SPEF2: variants seen among roughly 807,000 people sequenced by gnomAD.
SPEF2 encodes sperm flagellar and cilia associated 2.
A neutral mutation model predicts 224.6 loss-of-function variants in SPEF2; 187 were observed. That is an observed-to-expected ratio of 0.83 (90% CI 0.74 to 0.94). The LOEUF is 0.94. Among genes scored for constraint, SPEF2 ranks in the 40% least tolerant of loss-of-function variants. The pLI is 0.00. For missense variants in SPEF2, 2,170 were observed against 2,135.6 expected (o/e 1.02, Z -0.32); for synonymous variants, 715 against 707.3 (o/e 1.01, Z -0.17).
At chr5:35,692,105 G>GT (rs1754590382) in intron 11 of SPEF2, among the ~76,000 whole-genome samples, 1 of 151,928 alleles carries the variant, frequency 6.6e-6, no homozygotes, top group African/African-American at 2.4e-5. Flanking sequence ...GCCTTATCAC[G>GT]TTTTTTAAAA....
chr5:35,680,869 G>T (rs1475007494), intron 10 of SPEF2, among the ~76,000 whole-genome samples: 1 of 152,076 alleles, frequency 6.6e-6, no homozygotes, highest in Non-Finnish European at 1.5e-5. Context: ...AGTGTGTTTG[G>T]GTGTCTGGAG....
At position 35,794,370 on chromosome 5, in the gene SPEF2, C is replaced by G. The variant is rs1756376721; in HGVS notation, c.4737+1029C>G. On this transcript the variant is annotated intron_variant, in intron 32 of 36. Transcript: ENST00000356031. ...ACCAATCATACCCCTTCCTGTTTCC[C>G]TTTTCTTCCTTAATGCATGGCCTCT... 2.0e-5 allele frequency among the ~76,000 whole-genome samples: 3 copies of G among 152,136 alleles called. No individual in the cohort carries two copies. The East Asian group carries it at 5.8e-4, about 29-fold the overall frequency.
chr5:35,658,272 G>A (rs1749226834), intron 7 of SPEF2, among the ~76,000 whole-genome samples: 1 of 152,108 alleles, frequency 6.6e-6, no homozygotes, highest in African/African-American at 2.4e-5. Context: ...TCATTTACTG[G>A]TCACCTTTCT....
intron 34 of SPEF2, among the ~76,000 whole-genome samples, chr5:35,800,664 T>G (rs887397633): frequency 2.0e-5 from 3 of 152,210 alleles, no homozygotes; most frequent in African/African-American, 4.8e-5. Flanking sequence ...CCTTGAGATC[T>G]CTCAGGCATT....
Position 35,771,611 on chromosome 5 carries a change from G to T in SPEF2, c.3804G>T (p.Val1268=). The change falls in exon 27 of 37, where the codon GTG becomes GTT. Residue 1268 remains valine, a splice_region_variant and synonymous_variant. Coordinates refer to ENST00000356031, the MANE Select transcript of SPEF2 (RefSeq NM_024867.4). Reference sequence around the variant, plus strand: ...AAATATTGCTGTTACGCAACCAGGTGGCTGCTGAAATTCATCAGAGGCTTA... The same window carrying T: ...AAATATTGCTGTTACGCAACCAGGTTGCTGCTGAAATTCATCAGAGGCTTA... ...QQASLAVSHM[V]AAEIHQRLME... is the part of the protein sequence containing the mutation. 6.3e-7 allele frequency: 1 copy of T among 1,589,102 alleles called. No individual in the cohort carries two copies. Among genetic ancestry groups the T allele is most frequent in the East Asian group, 2.2e-5 (1 of 44,792 alleles).
At chr5:35,638,291 C>G (rs1368292077) in intron 2 of SPEF2, among the ~76,000 whole-genome samples, 1 of 151,982 alleles carries the variant, frequency 6.6e-6, no homozygotes, top group Non-Finnish European at 1.5e-5. Flanking sequence ...ATATCCCCAT[C>G]AGCTTAAGAA....
chr5:35,707,154 C>T (rs1739938519), intron 18 of SPEF2, among the ~76,000 whole-genome samples: 2 of 152,114 alleles, frequency 1.3e-5, no homozygotes, highest in Non-Finnish European at 2.9e-5. Flanking sequence ...AACTTTCCGA[C>T]TAAGTTAAAA....
intron 2 of SPEF2, 33 bp downstream of exon 2, chr5:35,628,595 T>C: frequency 6.8e-7 from 1 of 1,463,758 alleles, no homozygotes; most frequent in Non-Finnish European, 9.6e-7. Flanking sequence ...GTTGTTGTTG[T>C]TGTTTATTTG....
Position 35,806,891 on chromosome 5 carries a change from G to A in SPEF2, c.5195G>A (p.Ser1732Asn). Residue 1732 changes from serine (S) to asparagine (N), a missense_variant, in exon 35 of 37, where the codon AGT becomes AAT. Transcript: ENST00000356031. ...CTACTCAAAGTGTTCAAAGGGGGAA[G>A]TGAAGCACAGGACTCCAATAGATTT... ...ETLLKVFKGG[S>N]EAQDSNRFAS... 1.9e-6 allele frequency: 3 copies of A among 1,614,080 alleles called. No homozygotes were observed. Among genetic ancestry groups the A allele is most frequent in the East Asian group, 2.2e-5 (1 of 44,870 alleles).
chr5:35,742,001 T>C (rs1747724490), intron 23 of SPEF2, among the ~76,000 whole-genome samples: 1 of 152,222 alleles, frequency 6.6e-6, no homozygotes, highest in Non-Finnish European at 1.5e-5. Context: ...ATAAATTAGA[T>C]AATAAGAAGC....
At chr5:35,636,024 A>G (rs902115084) in intron 2 of SPEF2, among the ~76,000 whole-genome samples, 2 of 152,104 alleles carry the variant, frequency 1.3e-5, no homozygotes, top group Admixed American at 1.3e-4. Flanking sequence ...TAATTTTTGA[A>G]AACTGGACAT....
intron 23 of SPEF2, among the ~76,000 whole-genome samples, chr5:35,748,301 A>G (rs554783130): frequency 8.5e-5 from 13 of 152,164 alleles, no homozygotes; most frequent in Non-Finnish European, 1.5e-4. Flanking sequence ...CCAAACCCAA[A>G]CCCAGCAGAA....
intron 24 of SPEF2, among the ~76,000 whole-genome samples, chr5:35,758,413 C>T (rs1750749103): frequency 6.6e-6 from 1 of 152,056 alleles, no homozygotes; most frequent in African/African-American, 2.4e-5. Flanking sequence ...AATGGGAGAC[C>T]AGGTCGAAAA....
At chr5:35,634,089 C>G (rs1745503974) in intron 2 of SPEF2, among the ~76,000 whole-genome samples, 1 of 152,020 alleles carries the variant, frequency 6.6e-6, no homozygotes, top group Admixed American at 6.6e-5. Flanking sequence ...TTATGTTACT[C>G]TATGTAGTTA....
At chr5:35,650,723 G>A (rs1561133748) in intron 6 of SPEF2, among the ~76,000 whole-genome samples, 1 of 152,166 alleles carries the variant, frequency 6.6e-6, no homozygotes, top group Non-Finnish European at 1.5e-5. Context: ...TGCCATGTCA[G>A]TTATTAAATG....
chr5:35,758,274 T>C (rs1289619664), intron 24 of SPEF2, among the ~76,000 whole-genome samples: 3 of 152,190 alleles, frequency 2.0e-5, no homozygotes, highest in Admixed American at 1.3e-4. Context: ...AATTCATCTG[T>C]ATCAGGAGCT....
At chr5:35,733,782 A>G (rs1746064836) in intron 21 of SPEF2, among the ~76,000 whole-genome samples, 1 of 136,676 alleles carries the variant, frequency 7.3e-6, no homozygotes, top group African/African-American at 2.9e-5. Flanking sequence ...AGTACAGTGA[A>G]TTGTTTAAAA....
At chr5:35,808,392 C>G (rs931525039) in intron 36 of SPEF2, among the ~76,000 whole-genome samples, 1 of 152,024 alleles carries the variant, frequency 6.6e-6, no homozygotes, top group Non-Finnish European at 1.5e-5. Flanking sequence ...AATGCTATCC[C>G]TCTCCCCTTC....
At chr5:35,749,714 A>C (rs1388983836) in intron 23 of SPEF2, among the ~76,000 whole-genome samples, 1 of 152,202 alleles carries the variant, frequency 6.6e-6, no homozygotes, top group Non-Finnish European at 1.5e-5. Flanking sequence ...TGACATAAAC[A>C]GATGAAAACA....
Sources: gnomAD v4.1 joint callset for allele counts (sites outside exome capture counted in the v4.1 genomes callset) on GRCh38, gnomAD v4.1.1 for gene constraint, MANE v1.5 for transcripts, NCBI Gene and HGNC (gene_info 2026-07-23, HGNC 2026-07-21) for gene names.